C3orf49: variants seen among roughly 807,000 people sequenced by gnomAD.
The protein encoded by C3orf49 is chromosome 3 open reading frame 49, also known as putative uncharacterized protein C3orf49.
A neutral mutation model predicts 13.3 loss-of-function variants in C3orf49; 27 were observed. The ratio of observed to expected loss-of-function variants is 2.02; its 90% confidence interval spans 1.49 to 2.79. The LOEUF is 2.79. Among genes scored for constraint, C3orf49 ranks in the 30% most tolerant of loss-of-function variants. The probability of loss-of-function intolerance (pLI) is 0.00; values close to 1 mark genes in which losing one functional copy is unlikely to be tolerated. For synonymous variants in C3orf49, 87 were observed against 47.6 expected (o/e 1.83, Z -3.40); for missense variants, 242 against 134.2 (o/e 1.80, Z -3.97).
chr3:63,836,332 G>A (rs1701634455), intron 5 of C3orf49: 1 of 1,612,600 alleles, frequency 6.2e-7, no homozygotes, highest in Non-Finnish European at 8.5e-7. Flanking sequence ...GGATGGTGCT[G>A]AATCACTTTT....
intron 5 of C3orf49, among the ~76,000 whole-genome samples, chr3:63,834,400 C>T (rs1258168987): frequency 1.3e-5 from 2 of 151,794 alleles, no homozygotes; most frequent in South Asian, 4.1e-4. Context: ...TGGCTCATGC[C>T]TATAATCCCA....
the C3orf49 span, among the ~76,000 whole-genome samples, chr3:63,798,929 G>T: frequency 6.6e-6 from 1 of 152,130 alleles, no homozygotes; most frequent in Admixed American, 6.6e-5. Flanking sequence ...TATTTGAAAT[G>T]AATTACTTGC....
chr3:63,822,004 C>T (rs2107095319), intron 1 of C3orf49, among the ~76,000 whole-genome samples: 1 of 151,962 alleles, frequency 6.6e-6, no homozygotes, highest in Middle Eastern at 3.4e-3. Context: ...GAGACAGAGT[C>T]TCGCTCTGTC....
Position 63,819,349 on chromosome 3 carries a change from A to G in C3orf49, c.-123A>G, listed in dbSNP as rs1575794537. 5 of 597,344 alleles carry G rather than the reference A, an allele frequency of 8.4e-6. No individual in the cohort carries two copies. Among genetic ancestry groups the G allele is most frequent in the East Asian group, 8.3e-5 (3 of 36,214 alleles). The allele number at this position is 597,344 out of a possible 1,614,324, so 37.0% of individuals were successfully genotyped here. A position where few individuals can be genotyped will look rare whatever the true frequency, so the allele number is the denominator to read the frequency against. ...GAAAGACTCTAAAAATTTCCTACAT[A>G]TTTTATTCCGAATAGCCCACACCTT... On this transcript the variant is annotated 5_prime_UTR_variant, in exon 1 of 7. The change creates a new upstream start codon in the 5' untranslated region. Transcript: ENST00000295896.
chr3:63,843,136 G>A (rs1240802894), intron 5 of C3orf49, among the ~76,000 whole-genome samples: 5 of 149,740 alleles, frequency 3.3e-5, no homozygotes, highest in African/African-American at 7.4e-5. Flanking sequence ...TTGTTTGTTT[G>A]GAGACAGAGT....
the C3orf49 span, among the ~76,000 whole-genome samples, chr3:63,798,142 C>A: frequency 2.6e-5 from 4 of 152,278 alleles, no homozygotes; most frequent in Admixed American, 6.5e-5. Flanking sequence ...CTCTATTAGA[C>A]AACTCCACAG....
intron 5 of C3orf49, among the ~76,000 whole-genome samples, chr3:63,841,811 T>C (rs1263856182): frequency 6.6e-6 from 1 of 152,216 alleles, no homozygotes; most frequent in African/African-American, 2.4e-5. Context: ...ATTTTCTTAC[T>C]ACAAATGTTT....
the C3orf49 span, chr3:63,779,768 G>A: frequency 2.0e-5 from 3 of 152,284 alleles, no homozygotes; most frequent in African/African-American, 7.2e-5. Flanking sequence ...AAGATCAACA[G>A]AAGACGGCAA....
At chr3:63,813,621 C>T in the C3orf49 span, among the ~76,000 whole-genome samples, 1 of 152,226 alleles carries the variant, frequency 6.6e-6, no homozygotes, top group Non-Finnish European at 1.5e-5. Context: ...ACTCCAGCTG[C>T]ACCTTTGCTC....
the C3orf49 span, among the ~76,000 whole-genome samples, chr3:63,802,061 C>A: frequency 6.6e-6 from 1 of 152,192 alleles, no homozygotes; most frequent in African/African-American, 2.4e-5. Context: ...GCAGGGTGAA[C>A]ACAGAAAGGG....
chr3:63,841,022 C>A (rs1056066021), intron 5 of C3orf49, among the ~76,000 whole-genome samples: 1 of 152,162 alleles, frequency 6.6e-6, no homozygotes, highest in Non-Finnish European at 1.5e-5. Flanking sequence ...AGATTGCAAA[C>A]CTATTCATCA....
chr3:63,819,935 G>A (rs898553984), intron 1 of C3orf49, among the ~76,000 whole-genome samples: 1 of 152,150 alleles, frequency 6.6e-6, no homozygotes, highest in Non-Finnish European at 1.5e-5. Flanking sequence ...AAAGTCATTA[G>A]TGCATTCTTC....
the C3orf49 span, among the ~76,000 whole-genome samples, chr3:63,805,737 G>A: frequency 6.6e-6 from 1 of 152,300 alleles, no homozygotes; most frequent in East Asian, 1.9e-4. Flanking sequence ...GACCTGGAGG[G>A]AGAAAATACC....
intron 3 of C3orf49, among the ~76,000 whole-genome samples, chr3:63,830,828 C>G (rs74509318): frequency 6.6e-6 from 1 of 152,150 alleles, no homozygotes; most frequent in Non-Finnish European, 1.5e-5. Flanking sequence ...TCTTCTTCCC[C>G]TTACGAATGA....
chr3:63,783,525 T>TACACACACACACACACAC, the C3orf49 span, among the ~76,000 whole-genome samples: 6 of 131,950 alleles, frequency 4.5e-5, no homozygotes, highest in African/African-American at 1.7e-4. Context: ...TACTAAAAAT[T>TACACACACACACACACAC]ACACACACAC....
At chr3:63,846,247 T>G (rs1175998532) in intron 6 of C3orf49, 1 of 448,216 alleles carries the variant, frequency 2.2e-6, no homozygotes, top group Non-Finnish European at 4.5e-6. Flanking sequence ...AGTTTCCTTA[T>G]AAGAGAATCG....
the C3orf49 span, among the ~76,000 whole-genome samples, chr3:63,811,201 A>G: frequency 1.3e-5 from 2 of 152,348 alleles, no homozygotes; most frequent in South Asian, 2.1e-4. Context: ...TTTCCTGTTA[A>G]AATAGTTAAA....
the C3orf49 span, among the ~76,000 whole-genome samples, chr3:63,812,200 G>A: frequency 6.6e-6 from 1 of 152,136 alleles, no homozygotes; most frequent in Non-Finnish European, 1.5e-5. Context: ...CAATCTTTTG[G>A]CTTCCCTGAG....
intron 3 of C3orf49, among the ~76,000 whole-genome samples, 185 bp downstream of exon 3, chr3:63,827,910 A>G (rs956825573): frequency 6.6e-6 from 1 of 152,150 alleles, no homozygotes; most frequent in South Asian, 2.1e-4. Flanking sequence ...TCTAAGCTCA[A>G]ACTGTTCAGC....
Sources: allele counts gnomAD v4.1 joint callset (sites outside exome capture counted in the v4.1 genomes callset), GRCh38; gene constraint gnomAD v4.1.1; transcripts MANE v1.5; gene names NCBI Gene and HGNC (gene_info 2026-07-23, HGNC 2026-07-21).